The following LINGO2 variants were observed in gnomAD, a reference collection of about 807,000 sequenced individuals.
The protein encoded by LINGO2 is leucine rich repeat and Ig domain containing 2, also known as leucine-rich repeat and immunoglobulin-like domain-containing nogo receptor-interacting protein 2.
Under a neutral mutation model 30.6 loss-of-function variants are expected in LINGO2, and 14 were observed. The ratio of observed to expected loss-of-function variants is 0.46; its 90% CI spans 0.30 to 0.72. LINGO2 has a LOEUF of 0.72. Ranked by LOEUF, LINGO2 falls within the 30% of genes least tolerant of loss-of-function variation. The probability of loss-of-function intolerance (pLI) is 0.07; values close to 1 mark genes in which losing one functional copy is unlikely to be tolerated. For synonymous variants in LINGO2, 317 were observed against 288.5 expected (o/e 1.10, Z -1.00); for missense variants, 729 against 751.7 (o/e 0.97, Z 0.35).
At chr9:28,834,021 CTT>C in the LINGO2 span, among the ~76,000 whole-genome samples, 13 of 143,670 alleles carry the variant, frequency 9.0e-5, no homozygotes, top group East Asian at 2.0e-4. Flanking sequence ...TTTCTTGTTT[CTT>C]TTTTTTTTTT....
the LINGO2 span, among the ~76,000 whole-genome samples, chr9:29,038,072 A>G: frequency 1.3e-5 from 2 of 152,018 alleles, no homozygotes; most frequent in Non-Finnish European, 2.9e-5. Flanking sequence ...AATATTACAA[A>G]AGATGTTATA....
chr9:29,097,773 T>G, the LINGO2 span, among the ~76,000 whole-genome samples: 9 of 138,940 alleles, frequency 6.5e-5, 2 homozygotes, highest in Admixed American at 6.6e-4. Flanking sequence ...CACTAGAGAT[T>G]ATAATTCAGC....
intron 3 of LINGO2, 101 bp from the exon 6 acceptor site, chr9:28,295,467 G>A (rs1268412414): frequency 1.3e-5 from 2 of 152,556 alleles, no homozygotes; most frequent in Non-Finnish European, 1.5e-5. Context: ...AATCATAAAG[G>A]AGTGTGTGAG....
At chr9:28,716,867 T>C in the LINGO2 span, among the ~76,000 whole-genome samples, 4 of 152,070 alleles carry the variant, frequency 2.6e-5, no homozygotes, top group Non-Finnish European at 5.9e-5. Context: ...TATCATAAAT[T>C]AACCATTTCC....
At chr9:28,794,060 C>A in the LINGO2 span, among the ~76,000 whole-genome samples, 1 of 152,278 alleles carries the variant, frequency 6.6e-6, no homozygotes, top group Admixed American at 6.5e-5. Flanking sequence ...AATCCCAGCA[C>A]TTTGGGAGGC....
At chr9:28,769,149 T>G in the LINGO2 span, among the ~76,000 whole-genome samples, 3 of 151,876 alleles carry the variant, frequency 2.0e-5, no homozygotes, top group Non-Finnish European at 4.4e-5. Flanking sequence ...ATATCTGCAT[T>G]GTCAAAATAT....
At chr9:28,411,374 A>T (rs894881586) in intron 2 of LINGO2, among the ~76,000 whole-genome samples, 1 of 152,108 alleles carries the variant, frequency 6.6e-6, no homozygotes, top group Non-Finnish European at 1.5e-5. Context: ...ACAATATACT[A>T]TCTTAACCAT....
intron 3 of LINGO2, among the ~76,000 whole-genome samples, chr9:28,322,662 C>T (rs1306068302): frequency 6.6e-6 from 1 of 152,124 alleles, no homozygotes; most frequent in African/African-American, 2.4e-5. Flanking sequence ...CTGTCATGTA[C>T]TGATTGTCTA....
chr9:28,563,668 G>C (rs1463926823), intron 1 of LINGO2, among the ~76,000 whole-genome samples: 1 of 152,100 alleles, frequency 6.6e-6, no homozygotes, highest in Admixed American at 6.5e-5. Context: ...TGCTTTCTCT[G>C]TTGAAACTCT....
rs41387153 is a variant in LINGO2, at chr9:28,508,753, A to G, written c.-364-32728T>C. Among the ~76,000 whole-genome samples, 1,162 of 137,122 alleles carry G rather than the reference A, an allele frequency of 8.5e-3. 58 individuals carry two copies. The East Asian group carries it at 0.13, about 16-fold the overall frequency. The allele number at this position is 137,122 out of a possible 152,430, so 90.0% of individuals were successfully genotyped here. ...TATGACTTTCTGCTTGTATTTAATG[A>G]AGAAAACTCTATTTGTAGAGTAGAA... On this transcript the variant is annotated intron_variant, in intron 1 of 5. Transcript: ENST00000379992.
chr9:28,506,206 T>C (rs1820103548), intron 1 of LINGO2, among the ~76,000 whole-genome samples: 1 of 151,436 alleles, frequency 6.6e-6, no homozygotes, highest in Non-Finnish European at 1.5e-5. Flanking sequence ...GAACTTCTGT[T>C]CCACACTTAA....
intron 1 of LINGO2, among the ~76,000 whole-genome samples, chr9:28,547,477 G>A (rs1822009413): frequency 6.6e-6 from 1 of 152,040 alleles, no homozygotes; most frequent in Non-Finnish European, 1.5e-5. Flanking sequence ...GCTCTTAATA[G>A]AAACACTAAA....
In LINGO2 at chr9:28,435,561, G is replaced by T. The variant is rs1282610324; in HGVS notation, c.-279+40379C>A. On this transcript the variant is annotated intron_variant, in intron 2 of 5. Transcript: ENST00000379992. ...ATCTGACATCAAGATTACTGTGAAG[G>T]ACTGTGAATTTAACATAGAATGACA... Among the ~76,000 whole-genome samples the T allele has an allele frequency of 6.6e-5, 10 of 152,168 alleles. No individual in the cohort carries two copies. In the East Asian group the frequency reaches 1.7e-3, roughly 26 times the overall value.
chr9:28,178,509 A>T (rs1415409120), intron 4 of LINGO2, among the ~76,000 whole-genome samples: 1 of 152,190 alleles, frequency 6.6e-6, no homozygotes, highest in African/African-American at 2.4e-5. Flanking sequence ...AGAATGCTAT[A>T]AGCATTAATA....
At chr9:28,630,112 G>T (rs1826866046) in intron 1 of LINGO2, among the ~76,000 whole-genome samples, 1 of 151,978 alleles carries the variant, frequency 6.6e-6, no homozygotes, top group African/African-American at 2.4e-5. Context: ...CTTCATGCTA[G>T]ATGACGAGTT....
intron 4 of LINGO2, among the ~76,000 whole-genome samples, chr9:28,045,178 A>C (rs1291808298): frequency 1.3e-5 from 2 of 152,072 alleles, no homozygotes; most frequent in African/African-American, 4.8e-5. Flanking sequence ...TCCAAAAAAA[A>C]CCCACACACA....
chr9:28,281,418 T>C (rs1823320037), intron 4 of LINGO2, among the ~76,000 whole-genome samples: 1 of 151,988 alleles, frequency 6.6e-6, no homozygotes, highest in Non-Finnish European at 1.5e-5. Context: ...CCCACTTCCA[T>C]TGAAATAAAT....
At chr9:29,094,395 C>A in the LINGO2 span, among the ~76,000 whole-genome samples, 1 of 138,914 alleles carries the variant, frequency 7.2e-6, no homozygotes, top group African/African-American at 2.7e-5. Context: ...TCTTAAGCAG[C>A]ATGACATAAA....
the LINGO2 span, among the ~76,000 whole-genome samples, chr9:28,975,130 C>G: frequency 6.6e-6 from 1 of 152,016 alleles, no homozygotes; most frequent in Non-Finnish European, 1.5e-5. Context: ...CACCAAGGTG[C>G]AAGATAAAGG....
Sources: gnomAD v4.1 joint callset for allele counts (sites outside exome capture counted in the v4.1 genomes callset) on GRCh38, gnomAD v4.1.1 for gene constraint, MANE v1.5 for transcripts, NCBI Gene and HGNC (gene_info 2026-07-23, HGNC 2026-07-21) for gene names.